The following OPHN1 variants were observed in gnomAD, a reference collection of about 807,000 sequenced individuals.
OPHN1 encodes oligophrenin 1.
OPHN1 carries 11 observed loss-of-function variants against 60.7 expected under a neutral mutation model. The observed-to-expected ratio is 0.18, with a 90% confidence interval of 0.11 to 0.30. The LOEUF (loss-of-function observed/expected upper bound fraction) is 0.30, where lower values mean the gene tolerates loss of function less well. Ranked by LOEUF, OPHN1 falls within the 10% of genes least tolerant of loss-of-function variation. The pLI is 1.00. For synonymous variants in OPHN1, 226 were observed against 222.6 expected, an observed-to-expected ratio of 1.02 and a Z score of -0.14; for missense variants, 449 against 611.0, an observed-to-expected ratio of 0.73 and a Z score of 2.80.
intron 15 of OPHN1, chrX:68,133,091 T>G: frequency 1.8e-6 from 1 of 557,733 alleles, no homozygotes; most frequent in South Asian, 2.4e-5. Flanking sequence ...GGAGAAAATT[T>G]TTCAGAACAT....
At chrX:68,315,448 C>T (rs745337906) in intron 2 of OPHN1, among the ~76,000 whole-genome samples, 2 of 111,578 alleles carry the variant, frequency 1.8e-5, no homozygotes, top group Non-Finnish European at 3.8e-5. Context: ...AAGATTGCTA[C>T]CTCAACATGA....
At chrX:68,421,288 A>T (rs2078825248) in intron 2 of OPHN1, among the ~76,000 whole-genome samples, 1 of 111,189 alleles carries the variant, frequency 9.0e-6, no homozygotes, top group Non-Finnish European at 1.9e-5. Flanking sequence ...GCCATTACAG[A>T]ACAATCATCC....
intron 15 of OPHN1, among the ~76,000 whole-genome samples, chrX:68,124,920 T>C (rs1280060944): frequency 1.8e-5 from 2 of 111,385 alleles, no homozygotes; most frequent in Non-Finnish European, 1.9e-5. Flanking sequence ...AGTGCTAGGA[T>C]TACAGGCGTG....
intron 5 of OPHN1, among the ~76,000 whole-genome samples, chrX:68,259,229 T>C (rs1454410821): frequency 9.0e-6 from 1 of 111,168 alleles, no homozygotes; most frequent in Admixed American, 9.6e-5. Flanking sequence ...GGCTGGAGGA[T>C]CACTTGAGAC....
chrX:68,057,060 T>C (rs1311841572), intron 21 of OPHN1, among the ~76,000 whole-genome samples: 3 of 111,630 alleles, frequency 2.7e-5, no homozygotes, highest in Non-Finnish European at 5.6e-5. Flanking sequence ...GAAAGTATTA[T>C]CTCCGTTCTA....
At chrX:68,283,012 T>C in intron 4 of OPHN1, 44 bp downstream of exon 4, 2 of 1,046,966 alleles carry the variant, frequency 1.9e-6, no homozygotes, top group Non-Finnish European at 2.7e-6. Context: ...AAATCCCCTA[T>C]ATCACCCATG....
chrX:68,317,376 A>AAAGAAAGAAAGAAAGAAAGAAAGGAAGG (rs1555970490), intron 2 of OPHN1, among the ~76,000 whole-genome samples: 13 of 50,554 alleles, frequency 2.6e-4, no homozygotes, highest in African/African-American at 9.6e-4. Context: ...AGAAAGAAAG[A>AAAGAAAGAAAGAAAGAAAGAAAGGAAGG]AAGGAAGGAA....
intron 2 of OPHN1, among the ~76,000 whole-genome samples, chrX:68,339,688 T>C (rs1434681974): frequency 8.9e-6 from 1 of 111,923 alleles, no homozygotes; most frequent in Non-Finnish European, 1.9e-5. Flanking sequence ...CTGCACCCTC[T>C]GCCTCCCAGG....
intron 6 of OPHN1, among the ~76,000 whole-genome samples, chrX:68,216,522 G>C (rs2077609993): frequency 9.0e-6 from 1 of 110,927 alleles, no homozygotes; most frequent in African/African-American, 3.3e-5. Context: ...TGTTAGACCT[G>C]AAACCATAAA....
intron 5 of OPHN1, among the ~76,000 whole-genome samples, chrX:68,262,443 A>C (rs931987843): frequency 3.6e-5 from 4 of 112,189 alleles, no homozygotes; most frequent in Admixed American, 9.5e-5. Flanking sequence ...ATTGTGAAAT[A>C]GGGTTAGTCT....
At chrX:68,384,668 G>T (rs1333933471) in intron 2 of OPHN1, among the ~76,000 whole-genome samples, 1 of 109,307 alleles carries the variant, frequency 9.1e-6, no homozygotes. Context: ...GTTGCAGTGA[G>T]CCAAGATCGT....
chrX:68,256,622 G>A (rs2077864948), intron 5 of OPHN1, among the ~76,000 whole-genome samples: 1 of 111,790 alleles, frequency 8.9e-6, no homozygotes, highest in African/African-American at 3.3e-5. Flanking sequence ...TGGATCAAGT[G>A]TACCAGCATC....
intron 2 of OPHN1, among the ~76,000 whole-genome samples, chrX:68,429,928 G>A (rs930083818): frequency 1.2e-4 from 13 of 110,883 alleles, no homozygotes; most frequent in African/African-American, 2.6e-4. Context: ...CCAGCTACTC[G>A]GGAGGCTAAG....
At chrX:68,245,376 A>G (rs1368499761) in intron 5 of OPHN1, among the ~76,000 whole-genome samples, 1 of 112,185 alleles carries the variant, frequency 8.9e-6, no homozygotes, top group African/African-American at 3.2e-5. Flanking sequence ...ACACTTTTTC[A>G]TACTGTGCTT....
intron 19 of OPHN1, among the ~76,000 whole-genome samples, chrX:68,093,585 G>A (rs946611672): frequency 2.7e-5 from 3 of 111,135 alleles, no homozygotes; most frequent in African/African-American, 9.8e-5. Flanking sequence ...TCAGCAGTTG[G>A]TATTGCCACT....
intron 3 of OPHN1, among the ~76,000 whole-genome samples, chrX:68,294,846 T>C (rs2078087168): frequency 8.9e-6 from 1 of 112,090 alleles, no homozygotes; most frequent in Non-Finnish European, 1.9e-5. Flanking sequence ...GTGCTTACAA[T>C]GACATCTGCT....
At chrX:68,274,893 T>TACTAC in intron 4 of OPHN1, 84 bp from the exon 5 acceptor site, 1 of 674,470 alleles carries the variant, frequency 1.5e-6, no homozygotes, top group Non-Finnish European at 2.3e-6. Flanking sequence ...CATTTTCATT[T>TACTAC]ATATACCAAC....
intron 2 of OPHN1, among the ~76,000 whole-genome samples, chrX:68,374,354 C>CG: frequency 1.4e-5 from 1 of 70,885 alleles, no homozygotes; most frequent in African/African-American, 4.9e-5. Flanking sequence ...GACTCCATCT[C>CG]AAAAAAAAAA....
At chrX:68,307,153 T>C (rs1213694886) in intron 2 of OPHN1, among the ~76,000 whole-genome samples, 1 of 111,276 alleles carries the variant, frequency 9.0e-6, no homozygotes, top group Non-Finnish European at 1.9e-5. Context: ...TAGGAATTTA[T>C]AGAGTGGGTC....
Sources: allele counts gnomAD v4.1 joint callset (sites outside exome capture counted in the v4.1 genomes callset), GRCh38; gene constraint gnomAD v4.1.1; transcripts MANE v1.5; gene names NCBI Gene and HGNC (gene_info 2026-07-23, HGNC 2026-07-21).